Variants in GNAL observed in about 807,000 individuals in gnomAD.
GNAL encodes the protein guanine nucleotide-binding protein G(olf) subunit alpha.
Under a neutral mutation model 55.1 loss-of-function variants are expected in GNAL, and 18 were observed. That is an observed-to-expected ratio of 0.33 (90% CI 0.23 to 0.48). GNAL has a LOEUF of 0.48. GNAL is among the 20% of genes least tolerant of loss of function. GNAL has a pLI of 0.99. For synonymous variants in GNAL, 253 were observed against 237.0 expected (o/e 1.07, Z -0.62); for missense variants, 412 against 614.1 (o/e 0.67, Z 3.48).
chr18:11,754,991 AGTGTGT>A (rs1568011867), intron 4 of GNAL, among the ~76,000 whole-genome samples: 2 of 112,794 alleles, frequency 1.8e-5, no homozygotes, highest in African/African-American at 7.0e-5. Flanking sequence ...ACCAGAAGTG[AGTGTGT>A]ATGTGTGTGT....
In GNAL at chr18:11,693,350, A is replaced by T. The variant is rs369518053; in HGVS notation, c.376+3411A>T. Among the ~76,000 whole-genome samples, 13 of 152,346 alleles carry T rather than the reference A, an allele frequency of 8.5e-5. No individual in the cohort carries two copies. In the East Asian group the frequency reaches 1.9e-3, roughly 23 times the overall value. On this transcript the variant is annotated intron_variant, in intron 1 of 11. Transcript: ENST00000334049. ...CTCATAGAGTTTATATATCAGCATC[A>T]TATCTAAAATGACGTAAAATCAAAT...
intron 4 of GNAL, among the ~76,000 whole-genome samples, chr18:11,817,348 A>C (rs1402157531): frequency 6.6e-6 from 1 of 152,220 alleles, no homozygotes; most frequent in Non-Finnish European, 1.5e-5. Flanking sequence ...TTTATGAAGT[A>C]TTCTCGATGG....
chr18:11,731,329 G>A (rs908018666), intron 1 of GNAL, among the ~76,000 whole-genome samples: 1 of 152,182 alleles, frequency 6.6e-6, no homozygotes, highest in Non-Finnish European at 1.5e-5. Context: ...TGTATTTTTA[G>A]TAGAGACGGG....
chr18:11,767,027 T>C (rs78291789), intron 4 of GNAL, among the ~76,000 whole-genome samples: 4,172 of 152,334 alleles, frequency 0.027, 80 homozygotes, highest in Middle Eastern at 0.054. Flanking sequence ...ATTCTTCCTT[T>C]TGGCTTTAAG....
intron 1 of GNAL, among the ~76,000 whole-genome samples, chr18:11,712,496 A>G (rs1318056786): frequency 6.6e-6 from 1 of 152,234 alleles, no homozygotes; most frequent in African/African-American, 2.4e-5. Context: ...CAGCAGGGCA[A>G]TAAATTTTTC....
At position 11,877,333 on chromosome 18, in the gene GNAL, T is replaced by C. The variant is rs568002344; in HGVS notation, c.1230+645T>C. ...AGCTGGGTGTGGTGGCATGCGCCTG[T>C]AATCCCAGCTACTCTGGAGGCTGAG... On this transcript the variant is annotated intron_variant, in intron 11 of 11. Coordinates refer to ENST00000334049, the MANE Select transcript of GNAL (RefSeq NM_182978.4). 2.1e-3 allele frequency among the ~76,000 whole-genome samples: 320 copies of C among 152,248 alleles called. 1 individual carries two copies. Among genetic ancestry groups the C allele is most frequent in the African/African-American group, 7.4e-3 (307 of 41,536 alleles).
At chr18:11,880,273 A>C (rs1459069955) in intron 11 of GNAL, among the ~76,000 whole-genome samples, 1 of 149,398 alleles carries the variant, frequency 6.7e-6, no homozygotes, top group Non-Finnish European at 1.5e-5. Context: ...ACAAAAAAAC[A>C]AACAAGCTAA....
intron 1 of GNAL, among the ~76,000 whole-genome samples, chr18:11,715,460 CAAAA>C (rs34339537): frequency 1.5e-5 from 1 of 67,730 alleles, no homozygotes; most frequent in Non-Finnish European, 3.5e-5. Context: ...GACTCCATCT[CAAAA>C]AAAAAAAAAA....
chr18:11,807,756 T>C (rs2034703475), intron 4 of GNAL, among the ~76,000 whole-genome samples: 1 of 151,830 alleles, frequency 6.6e-6, no homozygotes, highest in Non-Finnish European at 1.5e-5. Context: ...TGAGCTTACA[T>C]AGAGAGGGGG....
chr18:11,836,187 G>A (rs1437666213), intron 5 of GNAL, among the ~76,000 whole-genome samples: 2 of 150,290 alleles, frequency 1.3e-5, no homozygotes, highest in Non-Finnish European at 3.0e-5. Flanking sequence ...GCTTATGCCT[G>A]TAAAATCCCA....
intron 1 of GNAL, among the ~76,000 whole-genome samples, chr18:11,707,301 T>C (rs1046510980): frequency 6.6e-6 from 1 of 152,238 alleles, no homozygotes; most frequent in Admixed American, 6.5e-5. Context: ...GCTTGATCCA[T>C]GGGCTGAAGA....
At chr18:11,812,119 G>A (rs2034832117) in intron 4 of GNAL, among the ~76,000 whole-genome samples, 1 of 152,084 alleles carries the variant, frequency 6.6e-6, no homozygotes, top group South Asian at 2.1e-4. Flanking sequence ...AATTAATTTT[G>A]TGGGAAAAAA....
chr18:11,862,006 T>G lies in GNAL; in HGVS notation c.723-389T>G, dbSNP rs1029692125. 2.1e-5 allele frequency among the ~76,000 whole-genome samples: 3 copies of G among 140,862 alleles called. No individual in the cohort carries two copies. The East Asian group carries it at 6.1e-4, about 29-fold the overall frequency. The allele number at this position is 140,862 out of a possible 152,430, so 92.4% of individuals were successfully genotyped here. Reference sequence around the variant, plus strand: ...CACACACACAACATCTGGATTTGATTAGGAAACTAAAGGGACATCTGTCAC... The same window carrying G: ...CACACACACAACATCTGGATTTGATGAGGAAACTAAAGGGACATCTGTCAC... On this transcript the variant is annotated intron_variant, in intron 5 of 11. Coordinates refer to ENST00000334049, the MANE Select transcript of GNAL (RefSeq NM_182978.4).
chr18:11,794,679 A>G (rs553453562), intron 4 of GNAL, among the ~76,000 whole-genome samples: 2 of 151,454 alleles, frequency 1.3e-5, no homozygotes, highest in Non-Finnish European at 2.9e-5. Flanking sequence ...CTGTAAATAC[A>G]CTAACACCAC....
intron 1 of GNAL, among the ~76,000 whole-genome samples, chr18:11,712,863 C>G (rs2031870618): frequency 6.6e-6 from 1 of 152,162 alleles, no homozygotes; most frequent in African/African-American, 2.4e-5. Flanking sequence ...CTGTGTCATT[C>G]ACTAGCCTAT....
rs1297200293 is a variant in GNAL, at chr18:11,881,067, C to T, written c.1309C>T (p.Arg437Cys). Residue 437 changes from arginine to cysteine, a missense_variant, in exon 12 of 12, where the codon CGC becomes TGC. Arg to Cys is a radical substitution (Grantham distance 180, BLOSUM62 -3). Around this residue, in one of 5 missense-constraint regions of GNAL, gnomAD observed 79 missense variants for 127.1 expected, o/e 0.62. Transcript: ENST00000334049. The surrounding 1 kb of genome is among the most constrained non-coding windows in gnomAD (Gnocchi z 4.8). Reference protein sequence around the residue: ...FTCAVDTENIRRVFNDCRDII... With the variant: ...FTCAVDTENICRVFNDCRDII... ...CTGCGCCGTGGACACAGAGAACATCCGCAGGGTGTTCAACGACTGCCGCGA... is the reference window on the plus strand; with the variant it reads ...CTGCGCCGTGGACACAGAGAACATCTGCAGGGTGTTCAACGACTGCCGCGA... 1 of 1,613,814 alleles carries T rather than the reference C, an allele frequency of 6.2e-7. No homozygotes were observed. The highest frequency in any genetic ancestry group is 1.7e-5 in the Admixed American group (1 of 59,988).
intron 1 of GNAL, among the ~76,000 whole-genome samples, chr18:11,694,004 T>A (rs1380552548): frequency 6.6e-6 from 1 of 151,782 alleles, no homozygotes; most frequent in Non-Finnish European, 1.5e-5. Flanking sequence ...AGGTACATGC[T>A]ACCATGGCTG....
At chr18:11,855,286 T>A (rs2035979803) in intron 5 of GNAL, among the ~76,000 whole-genome samples, 2 of 151,896 alleles carry the variant, frequency 1.3e-5, no homozygotes, top group African/African-American at 4.8e-5. Context: ...ACAAGATTTT[T>A]TTTCACATTG....
rs2032908225 is a variant in GNAL, at chr18:11,752,998, C to G, written c.449+73C>G. On this transcript the variant is annotated intron_variant, in intron 2 of 11. Coordinates refer to ENST00000334049, the MANE Select transcript of GNAL (RefSeq NM_182978.4). This position sits in a 1 kb window ranked among gnomAD's most constrained non-coding sequence, Gnocchi z 4.5. ...CTCCCAGACGTCCCAAAAGTGCTTTCTCTAAACAATTTTAATTTATTTGAT... is the reference window on the plus strand; with the variant it reads ...CTCCCAGACGTCCCAAAAGTGCTTTGTCTAAACAATTTTAATTTATTTGAT... 2 of 803,542 alleles carry G rather than the reference C, an allele frequency of 2.5e-6. No individual in the cohort carries two copies. Among genetic ancestry groups the G allele is most frequent in the Non-Finnish European group, 4.2e-6 (2 of 474,548 alleles). 49.8% of individuals were successfully genotyped at this position (803,542 alleles called of 1,614,324 possible). A position where few individuals can be genotyped will look rare whatever the true frequency, so the allele number is the denominator to read the frequency against.
Sources: gnomAD v4.1 joint callset for allele counts (sites outside exome capture counted in the v4.1 genomes callset) on GRCh38, gnomAD v4.1.1 for gene constraint, gnomAD v4.1.1 regional missense constraint, Gnocchi (gnomAD v3.1) non-coding constraint, MANE v1.5 for transcripts, NCBI Gene and HGNC (gene_info 2026-07-23, HGNC 2026-07-21) for gene names.